ZNF516: variants seen among roughly 807,000 people sequenced by gnomAD.
ZNF516 encodes the protein zinc finger protein 516.
Under a neutral mutation model 79.7 loss-of-function variants are expected in ZNF516, and 19 were observed. That is an observed-to-expected ratio of 0.24 (90% confidence interval 0.17 to 0.35). ZNF516 has a LOEUF of 0.35. Ranked by LOEUF, ZNF516 falls within the 10% of genes least tolerant of loss-of-function variation. The pLI, the probability that ZNF516 is intolerant of heterozygous loss-of-function variation, is 1.00. For missense variants in ZNF516, 1,678 were observed against 1,679.5 expected (o/e 1.00, Z 0.02); for synonymous variants, 877 against 739.5 (o/e 1.19, Z -3.02).
chr18:76,487,252 A>T (rs542210346), intron 1 of ZNF516, among the ~76,000 whole-genome samples: 1 of 152,226 alleles, frequency 6.6e-6, no homozygotes, highest in Non-Finnish European at 1.5e-5. Flanking sequence ...AGCTTTGGAA[A>T]GAGAAGCTTC....
At chr18:76,484,749 C>T (rs1568330707) in intron 1 of ZNF516, among the ~76,000 whole-genome samples, 1 of 152,204 alleles carries the variant, frequency 6.6e-6, no homozygotes, top group Non-Finnish European at 1.5e-5. Flanking sequence ...ACTGTAATAA[C>T]TTTCTTTTTA....
chr18:76,379,186 G>A lies in ZNF516; in HGVS notation c.2928C>T (p.Ala976=), dbSNP rs373874047. ...NKHSAPDSLK[A]KFSAQPQGPP... ...GACCCTGAGGCTGAGCACTGAATTTGGCTTTCAGGGAGTCCGGGGCACTGT... is the reference window on the plus strand; with the variant it reads ...GACCCTGAGGCTGAGCACTGAATTTAGCTTTCAGGGAGTCCGGGGCACTGT... Residue 976 remains alanine, a synonymous_variant, in exon 4 of 7, where the codon GCC becomes GCT. Transcript: ENST00000443185. 4 of 1,612,806 alleles carry A rather than the reference G, an allele frequency of 2.5e-6. No homozygotes were observed. In the African/African-American group the frequency reaches 5.3e-5, roughly 22 times the overall value.
chr18:76,375,954 C>T (rs1016927848), intron 4 of ZNF516, among the ~76,000 whole-genome samples: 1 of 150,658 alleles, frequency 6.6e-6, no homozygotes. Flanking sequence ...GGGAAGGCCC[C>T]GAAGACCAGG....
chr18:76,366,713 A>C (rs1467335845), intron 6 of ZNF516, among the ~76,000 whole-genome samples: 3 of 152,230 alleles, frequency 2.0e-5, no homozygotes, highest in African/African-American at 7.2e-5. Context: ...CCAGTTATTA[A>C]GGAAAATTGC....
chr18:76,458,907 T>TA (rs746816597), intron 2 of ZNF516, among the ~76,000 whole-genome samples: 1 of 152,098 alleles, frequency 6.6e-6, no homozygotes, highest in Admixed American at 6.5e-5. Context: ...GTGTAAAGGT[T>TA]AGAGTGTGTG....
intron 1 of ZNF516, among the ~76,000 whole-genome samples, chr18:76,479,297 C>T (rs754954574): frequency 6.6e-6 from 1 of 152,166 alleles, no homozygotes; most frequent in Non-Finnish European, 1.5e-5. Context: ...CCTGTGAACA[C>T]GGGCCACATT....
chr18:76,418,100 G>A (rs1411118004), intron 3 of ZNF516, among the ~76,000 whole-genome samples: 2 of 152,118 alleles, frequency 1.3e-5, no homozygotes, highest in Admixed American at 6.5e-5. Flanking sequence ...AACACACACT[G>A]TAACAGACTG....
At chr18:76,474,477 G>A (rs1322444460) in intron 1 of ZNF516, among the ~76,000 whole-genome samples, 1 of 152,200 alleles carries the variant, frequency 6.6e-6, no homozygotes, top group African/African-American at 2.4e-5. Flanking sequence ...TAAACTCTCT[G>A]TAACAACTCC....
chr18:76,362,467 C>G lies in ZNF516; in HGVS notation c.*31G>C. The G allele has an allele frequency of 1.2e-6, 2 of 1,609,054 alleles. No individual in the cohort carries two copies. The highest frequency in any genetic ancestry group is 2.2e-5 in the South Asian group (2 of 90,436). On this transcript the variant is annotated 3_prime_UTR_variant, in exon 7 of 7. Transcript: ENST00000443185. ...GTGAGGGTACTGCTAATGGCCGTTA[C>G]GGGGACCTGGGGTGCGTCGGAAACA...
At position 76,459,480 on chromosome 18, in the gene ZNF516, G is replaced by C. The variant is rs569008653; in HGVS notation, c.-158+3548C>G. Among the ~76,000 whole-genome samples, 51 of 152,362 alleles carry C rather than the reference G, an allele frequency of 3.3e-4. 1 individual carries two copies. The highest frequency in any genetic ancestry group is 1.2e-3 in the African/African-American group (50 of 41,596). The stretch of plus-strand genomic sequence containing the variant: ...GCGTGCCAAGCTGGCCCTGAGCTCA[G>C]CCCAGGATTTGTGCCATTCAGGACG... On this transcript the variant is annotated intron_variant, in intron 2 of 6. Coordinates refer to ENST00000443185, the MANE Select transcript of ZNF516 (RefSeq NM_014643.4). This position sits in a 1 kb window ranked among gnomAD's most constrained non-coding sequence, Gnocchi z 5.0.
intron 3 of ZNF516, among the ~76,000 whole-genome samples, chr18:76,411,645 A>G (rs762604258): frequency 2.0e-5 from 3 of 152,248 alleles, no homozygotes; most frequent in African/African-American, 7.2e-5. Flanking sequence ...TCTGAAACAC[A>G]AAAGCCCAAA....
At chr18:76,429,238 G>A (rs1270333565) in intron 3 of ZNF516, among the ~76,000 whole-genome samples, 1 of 152,228 alleles carries the variant, frequency 6.6e-6, no homozygotes, top group Non-Finnish European at 1.5e-5. Context: ...GGGCCTGAGG[G>A]TCCCAGGAGG....
intron 1 of ZNF516, chr18:76,490,657 T>C: frequency 1.9e-6 from 1 of 531,294 alleles, no homozygotes; most frequent in Non-Finnish European, 2.4e-6. Flanking sequence ...ATGGTGAACG[T>C]ACATCACTCA....
chr18:76,487,326 T>G (rs1328842453), intron 1 of ZNF516, among the ~76,000 whole-genome samples: 1 of 152,226 alleles, frequency 6.6e-6, no homozygotes, highest in Non-Finnish European at 1.5e-5. Flanking sequence ...CAGTTGCAAC[T>G]GCTGGTTTTT....
chr18:76,401,048 A>G (rs910819364), intron 3 of ZNF516, among the ~76,000 whole-genome samples: 30 of 152,336 alleles, frequency 2.0e-4, no homozygotes, highest in African/African-American at 7.2e-4. Flanking sequence ...AAAAGAGGAA[A>G]TAACTGTATT....
At chr18:76,465,404 T>C (rs1913401063) in intron 1 of ZNF516, among the ~76,000 whole-genome samples, 1 of 152,166 alleles carries the variant, frequency 6.6e-6, no homozygotes, top group South Asian at 2.1e-4. Context: ...AAGAGGCCTT[T>C]TTAAAAATCT....
At chr18:76,378,142 A>C (rs2074817623) in intron 4 of ZNF516, 1 of 152,210 alleles carries the variant, frequency 6.6e-6, no homozygotes. Flanking sequence ...AGTGACCTTC[A>C]ATTATGTTCC....
intron 5 of ZNF516, 56 bp downstream of exon 5, chr18:76,371,411 G>T (rs1216559747): frequency 6.6e-7 from 1 of 1,516,854 alleles, no homozygotes; most frequent in East Asian, 2.4e-5. Context: ...GCCACTGACA[G>T]AAGAGACCCC....
chr18:76,475,385 CT>C (rs1914116225), intron 1 of ZNF516, among the ~76,000 whole-genome samples: 1 of 152,178 alleles, frequency 6.6e-6, no homozygotes, highest in Non-Finnish European at 1.5e-5. Flanking sequence ...AGAGAAAGCA[CT>C]GAGTTTTGCA....
Sources: allele counts gnomAD v4.1 joint callset (sites outside exome capture counted in the v4.1 genomes callset), GRCh38; gene constraint gnomAD v4.1.1; non-coding constraint Gnocchi (gnomAD v3.1); transcripts MANE v1.5; gene names NCBI Gene and HGNC (gene_info 2026-07-23, HGNC 2026-07-21).